UBE2Z: variants seen among roughly 807,000 people sequenced by gnomAD.
The protein encoded by UBE2Z is ubiquitin-conjugating enzyme E2 Z.
In UBE2Z, 10 loss-of-function variants were observed where a neutral mutation model predicts 32.6. That is an observed-to-expected ratio of 0.31 (90% confidence interval 0.19 to 0.52). UBE2Z has a LOEUF of 0.52. Among genes scored for constraint, UBE2Z ranks in the 20% least tolerant of loss-of-function variants. The probability of loss-of-function intolerance (pLI) is 0.97; values close to 1 mark genes in which losing one functional copy is unlikely to be tolerated. For missense variants in UBE2Z, 343 were observed against 480.9 expected (o/e 0.71, Z 2.68); for synonymous variants, 183 against 190.8 (o/e 0.96, Z 0.34).
intron 3 of UBE2Z, among the ~76,000 whole-genome samples, chr17:48,914,600 C>T (rs1035076627): frequency 1.3e-5 from 2 of 152,200 alleles, no homozygotes; most frequent in African/African-American, 4.8e-5. Flanking sequence ...GTAGGCTCTC[C>T]CTCATTGGGT....
In UBE2Z at chr17:48,908,808, T is replaced by C; in HGVS notation, c.305T>C (p.Leu102Pro). 2.7e-6 allele frequency: 4 copies of C among 1,502,648 alleles called. No individual in the cohort carries two copies. Among genetic ancestry groups the C allele is most frequent in the African/African-American group, 1.4e-5 (1 of 69,698 alleles). 93.1% of individuals were successfully genotyped at this position (1,502,648 alleles called of 1,614,324 possible). ...DGERTAPQCL[L>P]RIKRDIMSIY... ...GAGCGCACCGCGCCGCAGTGTCTAC[T>C]CCGGATCAAGCGGTGAGCCGGGGTT... Residue 102 changes from leucine to proline, a missense_variant, in exon 1 of 7, where the codon CTC becomes CCC. Transcript: ENST00000360943.
intron 1 of UBE2Z, among the ~76,000 whole-genome samples, chr17:48,909,742 T>C (rs1319013151): frequency 6.6e-6 from 1 of 152,094 alleles, no homozygotes; most frequent in Non-Finnish European, 1.5e-5. Context: ...CAGTGCTCTT[T>C]AGCTATTAAT....
intron 4 of UBE2Z, among the ~76,000 whole-genome samples, chr17:48,917,132 C>T (rs2143766622): frequency 6.6e-6 from 1 of 152,204 alleles, no homozygotes; most frequent in East Asian, 1.9e-4. Context: ...CAGTGAAACC[C>T]AGTCTGTACT....
chr17:48,918,366 C>T (rs1318571449), intron 4 of UBE2Z, among the ~76,000 whole-genome samples: 1 of 152,098 alleles, frequency 6.6e-6, no homozygotes, highest in African/African-American at 2.4e-5. Context: ...CAGAGTCTCA[C>T]TCCATCACTC....
chr17:48,922,798 G>T, intron 5 of UBE2Z, 49 bp from the exon 6 acceptor site: 1 of 1,468,652 alleles, frequency 6.8e-7, no homozygotes, highest in South Asian at 1.2e-5. Context: ...AGGAAGGGGT[G>T]ACCTGTACCC....
intron 6 of UBE2Z, among the ~76,000 whole-genome samples, chr17:48,926,128 A>G (rs1411215138): frequency 3.9e-5 from 6 of 152,186 alleles, no homozygotes; most frequent in African/African-American, 7.2e-5. Flanking sequence ...CCCTGGAGCA[A>G]TGCCCAGAAA....
chr17:48,925,091 T>C (rs2040788802), intron 6 of UBE2Z, among the ~76,000 whole-genome samples: 1 of 151,944 alleles, frequency 6.6e-6, no homozygotes, highest in Non-Finnish European at 1.5e-5. Flanking sequence ...GAGACCAGCC[T>C]GGCCAACACA....
At chr17:48,911,915 C>T (rs2040681139) in intron 2 of UBE2Z, 1 of 152,160 alleles carries the variant, frequency 6.6e-6, no homozygotes, top group South Asian at 2.1e-4. Flanking sequence ...GCTTAGCAGA[C>T]CTAAATGCCT....
chr17:48,915,867 C>CCA, intron 3 of UBE2Z: 1 of 308,472 alleles, frequency 3.2e-6, no homozygotes, highest in Non-Finnish European at 5.9e-6. Flanking sequence ...GTTCTTTTGC[C>CCA]CCCCCCCCTT....
intron 6 of UBE2Z, among the ~76,000 whole-genome samples, chr17:48,923,293 C>T (rs932151211): frequency 6.0e-5 from 8 of 132,682 alleles, no homozygotes; most frequent in African/African-American, 2.4e-4. Flanking sequence ...TGCACTTCAG[C>T]CTGGACAACA....
intron 2 of UBE2Z, 179 bp downstream of exon 2, chr17:48,911,059 G>C: frequency 1.6e-6 from 1 of 613,478 alleles, no homozygotes; most frequent in Non-Finnish European, 2.9e-6. Flanking sequence ...ACTTTGAAGA[G>C]GTGTCTGTTA....
chr17:48,926,989 A>C lies in UBE2Z; in HGVS notation c.920A>C (p.His307Pro). 2 of 1,613,226 alleles carry C rather than the reference A, an allele frequency of 1.2e-6. No homozygotes were observed. The highest frequency in any genetic ancestry group is 8.5e-7 in the Non-Finnish European group (1 of 1,179,704). Residue 307 changes from histidine to proline, a missense_variant, in exon 7 of 7, where the codon CAC becomes CCC. By Grantham distance (77) the His-to-Pro change is moderately conservative. Transcript: ENST00000360943. The part of the protein sequence containing the change: ...MQDPFGEKRG[H>P]FDYQSLLMRL... Reference sequence around the variant, plus strand: ...GACCCTTTTGGAGAGAAGCGGGGCCACTTTGACTACCAGTCCCTCTTGATG... The same window carrying C: ...GACCCTTTTGGAGAGAAGCGGGGCCCCTTTGACTACCAGTCCCTCTTGATG...
At chr17:48,923,909 G>GTTTTT (rs2040780543) in intron 6 of UBE2Z, among the ~76,000 whole-genome samples, 2 of 152,036 alleles carry the variant, frequency 1.3e-5, no homozygotes, top group Non-Finnish European at 2.9e-5. Flanking sequence ...GTTTTGTTTT[G>GTTTTT]TTTTTTGAGA....
Position 48,908,470 on chromosome 17 carries a change from C to G in UBE2Z, c.-34C>G, listed in dbSNP as rs1349436233. Reference sequence around the variant, plus strand: ...AGCAGCGGCCGCTCTGGTCGGCGGACGTGCTGCCGAGTAGTCCCGGAAGCG... The same window carrying G: ...AGCAGCGGCCGCTCTGGTCGGCGGAGGTGCTGCCGAGTAGTCCCGGAAGCG... On this transcript the variant is annotated 5_prime_UTR_variant, in exon 1 of 7. Coordinates refer to ENST00000360943, the MANE Select transcript of UBE2Z (RefSeq NM_023079.5). 11 of 1,228,286 alleles carry G rather than the reference C, an allele frequency of 9.0e-6. No homozygotes were observed. The Admixed American group carries it at 4.2e-4, about 47-fold the overall frequency. 76.1% of individuals were successfully genotyped at this position (1,228,286 alleles called of 1,614,324 possible).
Position 48,927,285 on chromosome 17 carries a change from G to T in UBE2Z, c.*151G>T. 1 of 821,372 alleles carries T rather than the reference G, an allele frequency of 1.2e-6. No individual in the cohort carries two copies. The highest frequency in any genetic ancestry group is 1.9e-6 in the Non-Finnish European group (1 of 533,896). 50.9% of individuals were successfully genotyped at this position (821,372 alleles called of 1,614,324 possible). A position where few individuals can be genotyped will look rare whatever the true frequency, so the allele number is the denominator to read the frequency against. The stretch of plus-strand genomic sequence containing the variant: ...ACCAAGCAAGCTCCGATCCCAGGGT[G>T]TGGGAGTGGGGGCCTGTTCCCGGTC... On this transcript the variant is annotated 3_prime_UTR_variant, in exon 7 of 7. Coordinates refer to ENST00000360943, the MANE Select transcript of UBE2Z (RefSeq NM_023079.5).
At chr17:48,924,004 C>T (rs948790413) in intron 6 of UBE2Z, among the ~76,000 whole-genome samples, 4 of 152,168 alleles carry the variant, frequency 2.6e-5, no homozygotes, top group Admixed American at 6.5e-5. Context: ...TACAGGCATA[C>T]GCCATCATGC....
intron 6 of UBE2Z, among the ~76,000 whole-genome samples, chr17:48,923,766 T>C (rs2040779668): frequency 6.6e-6 from 1 of 151,142 alleles, no homozygotes; most frequent in South Asian, 2.1e-4. Context: ...AGGTTCTCAC[T>C]CTGTTACTCA....
Position 48,927,652 on chromosome 17 carries a change from A to G in UBE2Z, c.*518A>G, listed in dbSNP as rs554890722. 4 of 159,406 alleles carry G rather than the reference A, an allele frequency of 2.5e-5. No individual in the cohort carries two copies. The South Asian group carries it at 7.1e-4, about 28-fold the overall frequency. 9.9% of individuals were successfully genotyped at this position (159,406 alleles called of 1,614,324 possible). A position where few individuals can be genotyped will look rare whatever the true frequency, so the allele number is the denominator to read the frequency against. On this transcript the variant is annotated 3_prime_UTR_variant, in exon 7 of 7. Transcript: ENST00000360943. ...TTTTCCTCCCTGCCTTCCTTCCCCC[A>G]TTATTTCCCACAGGCCAGCATAATT... is the stretch of plus-strand genomic sequence containing the variant.
chr17:48,920,072 A>G (rs1304932817), intron 4 of UBE2Z, among the ~76,000 whole-genome samples: 7 of 152,112 alleles, frequency 4.6e-5, no homozygotes, highest in African/African-American at 1.4e-4. Context: ...CTTGAGTCCC[A>G]GCTACTTGGG....
Sources: allele counts gnomAD v4.1 joint callset (sites outside exome capture counted in the v4.1 genomes callset), GRCh38; gene constraint gnomAD v4.1.1; transcripts MANE v1.5; gene names NCBI Gene and HGNC (gene_info 2026-07-23, HGNC 2026-07-21).